Variants in FANCI observed in about 807,000 individuals in gnomAD.
FANCI encodes Fanconi anemia group I protein.
FANCI carries 156 observed loss-of-function variants against 176.1 expected under a neutral mutation model. The observed-to-expected ratio is 0.89, with a 90% CI of 0.78 to 1.01. FANCI has a LOEUF of 1.01. Ranked by LOEUF, FANCI falls within the 50% of genes least tolerant of loss-of-function variation. The probability of loss-of-function intolerance (pLI) is 0.00; values close to 1 mark genes in which losing one functional copy is unlikely to be tolerated. For missense variants in FANCI, 1,678 were observed against 1,534.1 expected, an observed-to-expected ratio of 1.09 and a Z score of -1.57; for synonymous variants, 613 against 541.7, an observed-to-expected ratio of 1.13 and a Z score of -1.83.
Position 89,301,452 on chromosome 15 carries a change from C to T in FANCI, c.3006+10C>T, listed in dbSNP as rs753914878. 9.6e-6 allele frequency: 15 copies of T among 1,563,850 alleles called. No individual in the cohort carries two copies. In the East Asian group the frequency reaches 3.4e-4, roughly 35 times the overall value. ...GCCCTCCTCTCCTCAGGTACTAGTA[C>T]CGCTAACTTAATCCCATTTAGCATT... On this transcript the variant is annotated intron_variant, in intron 27 of 37. Coordinates refer to ENST00000310775, the MANE Select transcript of FANCI (RefSeq NM_001113378.2).
intron 28 of FANCI, among the ~76,000 whole-genome samples, chr15:89,304,379 G>A (rs2054634842): frequency 6.6e-6 from 1 of 152,166 alleles, no homozygotes; most frequent in African/African-American, 2.4e-5. Context: ...TCTCACAAAT[G>A]TACTGTAAAA....
rs2055275056 is a variant in FANCI at position 89,316,649 on chromosome 15, G to T, written c.*190G>T. 5.8e-6 allele frequency: 7 copies of T among 1,202,576 alleles called. No individual in the cohort carries two copies. The South Asian group carries it at 8.6e-5, about 15-fold the overall frequency. The allele number at this position is 1,202,576 out of a possible 1,614,324, so 74.5% of individuals were successfully genotyped here. On this transcript the variant is annotated 3_prime_UTR_variant, in exon 38 of 38. Transcript: ENST00000310775. The stretch of plus-strand genomic sequence containing the variant: ...TGCTACTGAAAAATGGCTGGCCTTA[G>T]GCAAGCCCTTTTGCAAAAAGCACAG...
At chr15:89,264,051 T>C in intron 8 of FANCI, 25 bp downstream of exon 8, 1 of 1,613,794 alleles carries the variant, frequency 6.2e-7, no homozygotes, top group Non-Finnish European at 8.5e-7. Flanking sequence ...TTGTTTCTCC[T>C]TAGTTCTGGT....
At chr15:89,290,701 T>C (rs2054029157) in intron 19 of FANCI, 1 of 178,040 alleles carries the variant, frequency 5.6e-6, no homozygotes, top group East Asian at 1.4e-4. Context: ...TTAACAAATT[T>C]TTAAATTAGA....
Position 89,283,097 on chromosome 15 carries a change from A to T in FANCI, c.1584-39A>T, listed in dbSNP as rs371051565. The T allele has an allele frequency of 4.4e-4, 715 of 1,607,756 alleles. 2 individuals carry two copies. Among genetic ancestry groups the T allele is most frequent in the Non-Finnish European group, 5.6e-4 (654 of 1,174,452 alleles). The stretch of plus-strand genomic sequence containing the variant: ...TCTGACCCAGAAGCATATTCCTGTG[A>T]AATAGTACTGTTTGTTAACTTCTCT... On this transcript the variant is annotated intron_variant, in intron 16 of 37. Coordinates refer to ENST00000310775, the MANE Select transcript of FANCI (RefSeq NM_001113378.2).
In FANCI at chr15:89,247,717, C is replaced by G; in HGVS notation, c.70C>G (p.Leu24Val). ...CAAACTGCAAGAATTTCTTCAAACC[C>G]TGAGAGAAGGTGATGTGAGTATTAG... ...ADKLQEFLQT[L>V]REGDLTNLLQ... The change falls in exon 2 of 38, where the codon CTG becomes GTG. Residue 24 changes from leucine to valine, a missense_variant. Leu to Val is a conservative substitution (Grantham distance 32). Coordinates refer to ENST00000310775, the MANE Select transcript of FANCI (RefSeq NM_001113378.2). 6.2e-7 allele frequency: 1 copy of G among 1,613,798 alleles called. No homozygotes were observed. The highest frequency in any genetic ancestry group is 8.5e-7 in the Non-Finnish European group (1 of 1,179,842).
At chr15:89,294,314 G>T (rs752650179) in intron 23 of FANCI, among the ~76,000 whole-genome samples, 1 of 151,838 alleles carries the variant, frequency 6.6e-6, no homozygotes, top group Non-Finnish European at 1.5e-5. Flanking sequence ...GCCAGGCATG[G>T]TGCCTCACTC....
In FANCI at chr15:89,285,195, G is replaced by C; in HGVS notation, c.1798G>C (p.Asp600His). Residue 600 changes from aspartate to histidine, a missense_variant, in exon 18 of 38, where the codon GAT (aspartate) becomes CAT (histidine). Physicochemically the swap from Asp to His is moderately conservative, Grantham distance 81. This residue lies in a region of FANCI where 1,204 missense variants were observed against 1,077.4 expected (regional missense o/e 1.12). Transcript: ENST00000310775. ...SLRRCLSQQA[D>H]VRLMLYEGFY... is the part of the protein sequence containing the mutation. ...GAGGAGATGCTTAAGCCAGCAAGCT[G>C]ATGTTCGACTCATGCTTTATGAGGT... The C allele has an allele frequency of 6.2e-7, 1 of 1,614,190 alleles. No homozygotes were observed. Among genetic ancestry groups the C allele is most frequent in the Non-Finnish European group, 8.5e-7 (1 of 1,180,024 alleles).
At chr15:89,316,199 C>A (rs2055245884) in intron 37 of FANCI, 198 bp from the exon 38 acceptor site, 3 of 614,110 alleles carry the variant, frequency 4.9e-6, no homozygotes, top group South Asian at 4.0e-5. Context: ...GGAGGTGCCA[C>A]TGTCTTATTA....
chr15:89,261,263 C>A (rs944273112), intron 4 of FANCI, among the ~76,000 whole-genome samples: 1 of 151,718 alleles, frequency 6.6e-6, no homozygotes, highest in Admixed American at 6.6e-5. Flanking sequence ...AGAGTGAGAC[C>A]CCGTCTCAAA....
At position 89,273,383 on chromosome 15, in the gene FANCI, C is replaced by T; in HGVS notation, c.889C>T (p.Gln297Ter). Residue 297 changes from glutamine to a stop codon, truncating the protein, a stop_gained, in exon 11 of 38, where the codon CAG becomes TAG. Coordinates refer to ENST00000310775, the MANE Select transcript of FANCI (RefSeq NM_001113378.2). LOFTEE classifies it high-confidence loss of function. ...TTTGGTTGCTCTCTTCTAGGTAGGA[C>T]AGCAAGGAGATTCCAATAATAACTT... Reference protein sequence around the residue: ...RELVKHLKVGQQGDSNNNLSP... With the variant: ...RELVKHLKVG 3.8e-6 allele frequency: 6 copies of T among 1,572,376 alleles called. No homozygotes were observed. The highest frequency in any genetic ancestry group is 5.2e-6 in the Non-Finnish European group (6 of 1,144,618).
At chr15:89,249,799 A>G (rs1261384252) in intron 2 of FANCI, among the ~76,000 whole-genome samples, 1 of 152,254 alleles carries the variant, frequency 6.6e-6, no homozygotes, top group African/African-American at 2.4e-5. Context: ...GAAAATTAGT[A>G]AAGTGGAATA....
chr15:89,276,397 G>A (rs1234610057), intron 12 of FANCI, among the ~76,000 whole-genome samples: 1 of 152,218 alleles, frequency 6.6e-6, no homozygotes, highest in Non-Finnish European at 1.5e-5. Context: ...GTGCTGTAGG[G>A]TAATAGAAGA....
chr15:89,268,996 A>G (rs937589126), intron 10 of FANCI, among the ~76,000 whole-genome samples: 6 of 152,190 alleles, frequency 3.9e-5, no homozygotes, highest in African/African-American at 1.4e-4. Flanking sequence ...AAGCAGTAAA[A>G]TAAAACTCAG....
Position 89,316,099 on chromosome 15 carries a change from C to G in FANCI, c.3925-298C>G, listed in dbSNP as rs540446956. On this transcript the variant is annotated intron_variant, in intron 37 of 37. Transcript: ENST00000310775. Reference sequence around the variant, plus strand: ...TCTTTACCCACTTGGCAGCTGCACTCAGGAGAGTCATGTAGCATTTTGATG... The same window carrying G: ...TCTTTACCCACTTGGCAGCTGCACTGAGGAGAGTCATGTAGCATTTTGATG... Among the ~76,000 whole-genome samples the G allele has an allele frequency of 4.6e-5, 7 of 152,324 alleles. No individual in the cohort carries two copies. The South Asian group carries it at 1.2e-3, about 27-fold the overall frequency.
intron 35 of FANCI, among the ~76,000 whole-genome samples, chr15:89,313,204 GT>G (rs1475650612): frequency 1.3e-5 from 2 of 151,948 alleles, no homozygotes; most frequent in Admixed American, 6.6e-5. Context: ...TCTTTTGGGG[GT>G]GATGAAAATG....
chr15:89,307,065 C>G lies in FANCI; in HGVS notation c.3538-411C>G, dbSNP rs372285909. On this transcript the variant is annotated intron_variant, in intron 32 of 37. Coordinates refer to ENST00000310775, the MANE Select transcript of FANCI (RefSeq NM_001113378.2). ...AATACTTAGAAAGGCACAGATAATCCAAGAAAGATGTGGACCACCCCGCAT... is the reference window on the plus strand; with the variant it reads ...AATACTTAGAAAGGCACAGATAATCGAAGAAAGATGTGGACCACCCCGCAT... Among the ~76,000 whole-genome samples the G allele has an allele frequency of 3.9e-5, 6 of 152,228 alleles. No individual in the cohort carries two copies. The East Asian group carries it at 5.8e-4, about 15-fold the overall frequency.
chr15:89,307,941 A>G, intron 34 of FANCI: 1 of 1,336,430 alleles, frequency 7.5e-7, no homozygotes, highest in African/African-American at 1.5e-5. Context: ...CTCAGGCTCA[A>G]GGACTTGGTT....
chr15:89,301,418 G>A lies in FANCI; in HGVS notation c.2982G>A (p.Lys994=). 1.2e-6 allele frequency: 2 copies of A among 1,613,880 alleles called. No individual in the cohort carries two copies. The highest frequency in any genetic ancestry group is 1.7e-6 in the Non-Finnish European group (2 of 1,179,750). ...LLVTVLTSLS[K]LLEPSSPQFV... ...TCACGGTTCTTACCAGTTTGTCCAA[G>A]TTACTGGAGCCCTCCTCTCCTCAGG... is the stretch of plus-strand genomic sequence containing the variant. The change falls in exon 27 of 38, where the codon AAG becomes AAA. Residue 994 remains lysine, a synonymous_variant. Transcript: ENST00000310775.
Sources: allele counts gnomAD v4.1 joint callset (sites outside exome capture counted in the v4.1 genomes callset), GRCh38; gene constraint gnomAD v4.1.1; regional missense constraint gnomAD v4.1.1; transcripts MANE v1.5; gene names NCBI Gene and HGNC (gene_info 2026-07-23, HGNC 2026-07-21).